Variants in FOXK1 observed in about 807,000 individuals in gnomAD.
The protein encoded by FOXK1 is forkhead box K1.
In FOXK1, 19 loss-of-function variants were observed where a neutral mutation model predicts 51.9. The observed-to-expected ratio is 0.37, with a 90% CI of 0.26 to 0.54. FOXK1 has a LOEUF of 0.54. Ranked by LOEUF, FOXK1 falls within the 20% of genes least tolerant of loss-of-function variation. The pLI is 0.87. For missense variants in FOXK1, 870 were observed against 1,032.7 expected (o/e 0.84, Z 2.16); for synonymous variants, 537 against 482.6 (o/e 1.11, Z -1.48).
At position 4,703,813 on chromosome 7, in the gene FOXK1, T is replaced by G. The variant is rs1214185284; in HGVS notation, c.560+20945T>G. Reference sequence around the variant, plus strand: ...AGGGAATCGCAGCCTGCCGAGAGCTTTAGAGAGACTCCCCTAACCATGATT... The same window carrying G: ...AGGGAATCGCAGCCTGCCGAGAGCTGTAGAGAGACTCCCCTAACCATGATT... On this transcript the variant is annotated intron_variant, in intron 1 of 8. Coordinates refer to ENST00000328914, the MANE Select transcript of FOXK1 (RefSeq NM_001037165.2). This position sits in a 1 kb window ranked among gnomAD's most constrained non-coding sequence, Gnocchi z 5.6. Among the ~76,000 whole-genome samples the G allele has an allele frequency of 6.6e-6, 1 of 151,956 alleles. No individual in the cohort carries two copies. Among genetic ancestry groups the G allele is most frequent in the Non-Finnish European group, 1.5e-5 (1 of 67,988 alleles).
At position 4,756,935 on chromosome 7, in the gene FOXK1, TG is replaced by T; in HGVS notation, c.1051-56del. 2.6e-6 allele frequency: 4 copies of T among 1,567,268 alleles called. No homozygotes were observed. Among genetic ancestry groups the T allele is most frequent in the Non-Finnish European group, 3.5e-6 (4 of 1,151,102 alleles). On this transcript the variant is annotated intron_variant, in intron 4 of 8. Transcript: ENST00000328914. The surrounding 1 kb of genome is among the most constrained non-coding windows in gnomAD (Gnocchi z 4.1). ...TCCCGCATCTGCTGCAGATTTGAGGTGGGTGGGACTCATTTTCTGATTTGCT... is the reference window on the plus strand; with the variant it reads ...TCCCGCATCTGCTGCAGATTTGAGGTGGTGGGACTCATTTTCTGATTTGCT...
In FOXK1 at chr7:4,755,086, A is replaced by G. The variant is rs1025550672; in HGVS notation, c.904-151A>G. On this transcript the variant is annotated intron_variant, in intron 3 of 8. Transcript: ENST00000328914. The surrounding 1 kb of genome is among the most constrained non-coding windows in gnomAD (Gnocchi z 6.6). ...GTTGTTCCTAGTTGAATGCAAGCACATTAATGGGATAGTTGGAGGGCACTG... is the reference window on the plus strand; with the variant it reads ...GTTGTTCCTAGTTGAATGCAAGCACGTTAATGGGATAGTTGGAGGGCACTG... The G allele has an allele frequency of 1.1e-6, 1 of 920,230 alleles. No homozygotes were observed. Among genetic ancestry groups the G allele is most frequent in the Admixed American group, 2.9e-5 (1 of 34,108 alleles). 57.0% of individuals were successfully genotyped at this position (920,230 alleles called of 1,614,324 possible).
chr7:4,717,775 T>G (rs1780255308), intron 1 of FOXK1, among the ~76,000 whole-genome samples: 1 of 152,178 alleles, frequency 6.6e-6, no homozygotes, highest in South Asian at 2.1e-4. Flanking sequence ...CTGTTTCTTC[T>G]GAAGCTTTGC....
intron 1 of FOXK1, among the ~76,000 whole-genome samples, chr7:4,728,869 C>G (rs1044523803): frequency 6.6e-6 from 1 of 152,048 alleles, no homozygotes; most frequent in Admixed American, 6.6e-5. Flanking sequence ...GACGCAAAGT[C>G]TATGCAGATA....
intron 1 of FOXK1, among the ~76,000 whole-genome samples, chr7:4,687,730 C>T (rs891153957): frequency 1.4e-4 from 22 of 152,188 alleles, no homozygotes; most frequent in African/African-American, 4.6e-4. Context: ...AAAGCCTTTT[C>T]GCCCAGTATT....
rs1051059897 is a variant in FOXK1, at chr7:4,722,690, C to T, written c.561-18148C>T. Among the ~76,000 whole-genome samples, 3 of 152,212 alleles carry T rather than the reference C, an allele frequency of 2.0e-5. No individual in the cohort carries two copies. The highest frequency in any genetic ancestry group is 6.5e-5 in the Admixed American group (1 of 15,290). On this transcript the variant is annotated intron_variant, in intron 1 of 8. Transcript: ENST00000328914. This position sits in a 1 kb window ranked among gnomAD's most constrained non-coding sequence, Gnocchi z 5.1. ...TTTTCCTTGGGTGAAACGAGGAAGT[C>T]GTAGGAGACCCACCTCAGATGCTCG...
At chr7:4,714,607 TAA>T in intron 1 of FOXK1, among the ~76,000 whole-genome samples, 1 of 152,388 alleles carries the variant, frequency 6.6e-6, no homozygotes, top group East Asian at 1.9e-4. Context: ...AGTTTAGGTT[TAA>T]AGACATTACT....
intron 1 of FOXK1, among the ~76,000 whole-genome samples, chr7:4,699,885 T>C (rs926210127): frequency 6.6e-6 from 1 of 152,220 alleles, no homozygotes; most frequent in Non-Finnish European, 1.5e-5. Context: ...GTGCAGATAA[T>C]ACTTCTTCTC....
chr7:4,755,041 C>A lies in FOXK1; in HGVS notation c.904-196C>A. On this transcript the variant is annotated intron_variant, in intron 3 of 8. Transcript: ENST00000328914. This position sits in a 1 kb window ranked among gnomAD's most constrained non-coding sequence, Gnocchi z 6.6. ...AAATTATAATAAAACCGAAGTTTTC[C>A]TTCCCATGAGGCAAAAATGGTTGTT... The A allele has an allele frequency of 1.6e-6, 1 of 639,256 alleles. No individual in the cohort carries two copies. Among genetic ancestry groups the A allele is most frequent in the Non-Finnish European group, 2.6e-6 (1 of 384,500 alleles). 39.6% of individuals were successfully genotyped at this position (639,256 alleles called of 1,614,324 possible).
At position 4,770,755 on chromosome 7, in the gene FOXK1, A is replaced by G. The variant is rs1781086725; in HGVS notation, c.*8291A>G. The stretch of plus-strand genomic sequence containing the variant: ...TGCAGATGACAAAGGCCGGCAGCTC[A>G]GCACACGTGCAGGAGGGGTTAAAGC... On this transcript the variant is annotated 3_prime_UTR_variant, in exon 9 of 9. Coordinates refer to ENST00000328914, the MANE Select transcript of FOXK1 (RefSeq NM_001037165.2). 6.6e-6 allele frequency: 1 copy of G among 152,068 alleles called. No homozygotes were observed. The highest frequency in any genetic ancestry group is 1.5e-5 in the Non-Finnish European group (1 of 68,038). 9.4% of individuals were successfully genotyped at this position (152,068 alleles called of 1,614,324 possible). A position where few individuals can be genotyped will look rare whatever the true frequency, so the allele number is the denominator to read the frequency against.
intron 5 of FOXK1, 68 bp downstream of exon 5, chr7:4,757,255 C>T (rs1456979224): frequency 8.6e-6 from 12 of 1,395,574 alleles, no homozygotes; most frequent in Admixed American, 4.2e-5. Context: ...TTTAGAGATA[C>T]GTGGCGCAGT....
At position 4,693,936 on chromosome 7, in the gene FOXK1, A is replaced by AGT. The variant is rs1361062501; in HGVS notation, c.560+11070_560+11071dup. On this transcript the variant is annotated intron_variant, in intron 1 of 8. Coordinates refer to ENST00000328914, the MANE Select transcript of FOXK1 (RefSeq NM_001037165.2). ...GGGGTTGTTGCCCAGGCTGGAGTACAGTGGCATGATCACAGCTCACTGTAG... is the reference window on the plus strand; with the variant it reads ...GGGGTTGTTGCCCAGGCTGGAGTACAGTGTGGCATGATCACAGCTCACTGTAG... 5.9e-5 allele frequency among the ~76,000 whole-genome samples: 9 copies of AGT among 152,336 alleles called. No individual in the cohort carries two copies. The East Asian group carries it at 9.6e-4, about 16-fold the overall frequency.
chr7:4,751,037 T>A (rs1219648546), intron 2 of FOXK1, among the ~76,000 whole-genome samples: 1 of 125,206 alleles, frequency 8.0e-6, no homozygotes, highest in Non-Finnish European at 1.7e-5. Flanking sequence ...TTTTTTGAGA[T>A]GGAGTCTTGC....
intron 1 of FOXK1, among the ~76,000 whole-genome samples, chr7:4,724,738 G>A (rs1780356741): frequency 6.6e-6 from 1 of 152,178 alleles, no homozygotes; most frequent in Admixed American, 6.5e-5. Context: ...TGGCCTCAGT[G>A]TTCAGCATGG....
rs553386072 is a variant in FOXK1 at position 4,711,677 on chromosome 7, C to T, written c.560+28809C>T. Among the ~76,000 whole-genome samples, 4 of 152,328 alleles carry T rather than the reference C, an allele frequency of 2.6e-5. No homozygotes were observed. The East Asian group carries it at 5.8e-4, about 22-fold the overall frequency. On this transcript the variant is annotated intron_variant, in intron 1 of 8. Transcript: ENST00000328914. The surrounding 1 kb of genome is among the most constrained non-coding windows in gnomAD (Gnocchi z 6.3). ...GTCATACCCTCTCGTATCTGCATCACCCATAAGGGGTGGGCAGTGGTGCTG... is the reference window on the plus strand; with the variant it reads ...GTCATACCCTCTCGTATCTGCATCATCCATAAGGGGTGGGCAGTGGTGCTG...
rs1421678329 is a variant in FOXK1, at chr7:4,762,378, C to T, written c.2116C>T (p.Arg706Trp). The T allele has an allele frequency of 1.9e-6, 3 of 1,550,000 alleles. No individual in the cohort carries two copies. The highest frequency in any genetic ancestry group is 2.0e-5 in the Admixed American group (1 of 51,080). Residue 706 changes from arginine (R) to tryptophan (W), a missense_variant, in exon 9 of 9, where the codon CGG (arginine) becomes TGG (tryptophan). By Grantham distance (101) the Arg-to-Trp change is moderately radical. Coordinates refer to ENST00000328914, the MANE Select transcript of FOXK1 (RefSeq NM_001037165.2). This position sits in a 1 kb window ranked among gnomAD's most constrained non-coding sequence, Gnocchi z 5.7. Reference protein sequence around the residue: ...STGEPEVKRSRVEEPSGAVTT... With the variant: ...STGEPEVKRSWVEEPSGAVTT... ...TGGAGAGCCCGAGGTCAAAAGGTCCCGGGTGGAGGAGCCCAGTGGTGCTGT... is the reference window on the plus strand; with the variant it reads ...TGGAGAGCCCGAGGTCAAAAGGTCCTGGGTGGAGGAGCCCAGTGGTGCTGT...
rs1779785609 is a variant in FOXK1, at chr7:4,683,899, C to A, written c.560+1031C>A. Among the ~76,000 whole-genome samples, 1 of 152,172 alleles carries A rather than the reference C, an allele frequency of 6.6e-6. No homozygotes were observed. The highest frequency in any genetic ancestry group is 2.1e-4 in the South Asian group (1 of 4,836). On this transcript the variant is annotated intron_variant, in intron 1 of 8. Coordinates refer to ENST00000328914, the MANE Select transcript of FOXK1 (RefSeq NM_001037165.2). The surrounding 1 kb of genome is among the most constrained non-coding windows in gnomAD (Gnocchi z 4.5). ...GCGGGGAGGGGCGAGGACAGGAAGC[C>A]TGTGCCTCAGTTTACATCCCCAACT...
Position 4,741,038 on chromosome 7 carries a change from A to G in FOXK1, c.746+15A>G. Reference sequence around the variant, plus strand: ...GGCACCATCAGGTGAGTAGCCCCCCAGCCTGCCCTTGGGCCCCCAGGAGAG... The same window carrying G: ...GGCACCATCAGGTGAGTAGCCCCCCGGCCTGCCCTTGGGCCCCCAGGAGAG... On this transcript the variant is annotated intron_variant, in intron 2 of 8. Coordinates refer to ENST00000328914, the MANE Select transcript of FOXK1 (RefSeq NM_001037165.2). 6.7e-7 allele frequency: 1 copy of G among 1,491,726 alleles called. No individual in the cohort carries two copies. Among genetic ancestry groups the G allele is most frequent in the African/African-American group, 1.5e-5 (1 of 67,970 alleles). 92.4% of individuals were successfully genotyped at this position (1,491,726 alleles called of 1,614,324 possible). A position where few individuals can be genotyped will look rare whatever the true frequency, so the allele number is the denominator to read the frequency against.
At chr7:4,740,478 G>A (rs1029231742) in intron 1 of FOXK1, among the ~76,000 whole-genome samples, 7 of 151,478 alleles carry the variant, frequency 4.6e-5, no homozygotes, top group Admixed American at 1.3e-4. Flanking sequence ...GGGCGTGGTG[G>A]TGGGCGCTCG....
Sources: allele counts gnomAD v4.1 joint callset (sites outside exome capture counted in the v4.1 genomes callset), GRCh38; gene constraint gnomAD v4.1.1; non-coding constraint Gnocchi (gnomAD v3.1); transcripts MANE v1.5; gene names NCBI Gene and HGNC (gene_info 2026-07-23, HGNC 2026-07-21).